ERCC2: variants seen among roughly 807,000 people sequenced by gnomAD.
The protein encoded by ERCC2 is ERCC excision repair 2, TFIIH core complex helicase subunit.
A neutral mutation model predicts 99.4 loss-of-function variants in ERCC2; 90 were observed. The observed-to-expected ratio is 0.91, with a 90% confidence interval of 0.76 to 1.08. The LOEUF (loss-of-function observed/expected upper bound fraction) is 1.08, where lower values mean the gene tolerates loss of function less well. Among genes scored for constraint, ERCC2 ranks in the 50% least tolerant of loss-of-function variants. The probability of loss-of-function intolerance (pLI) is 0.00; values close to 1 mark genes in which losing one functional copy is unlikely to be tolerated. For synonymous variants in ERCC2, 497 were observed against 432.4 expected (o/e 1.15, Z -1.85); for missense variants, 993 against 1,038.1 (o/e 0.96, Z 0.60).
chr19:45,352,490 A>C lies in ERCC2; in HGVS notation c.2046+16T>G, dbSNP rs1189266933. 3 of 1,614,024 alleles carry C rather than the reference A, an allele frequency of 1.9e-6. No homozygotes were observed. In the South Asian group the frequency reaches 3.3e-5, roughly 18 times the overall value. On this transcript the variant is annotated intron_variant, in intron 21 of 22. Coordinates refer to ENST00000391945, the MANE Select transcript of ERCC2 (RefSeq NM_000400.4). ...GAGCCTGGGATGGGAGCACAGGGGC[A>C]CCCCTGAAGCTGCACCTTGTCGGCA...
chr19:45,350,416 C>T lies in ERCC2; in HGVS notation c.*1213G>A, dbSNP rs751051691. 1.2e-5 allele frequency: 20 copies of T among 1,613,552 alleles called. No individual in the cohort carries two copies. The highest frequency in any genetic ancestry group is 2.7e-5 in the African/African-American group (2 of 74,844). Reference sequence around the variant, plus strand: ...CAAAGAAATCCTCCACAAGGAGGACCTACCCGCCCCTCTCGGTGAGCCCCT... The same window carrying T: ...CAAAGAAATCCTCCACAAGGAGGACTTACCCGCCCCTCTCGGTGAGCCCCT... On this transcript the variant is annotated 3_prime_UTR_variant, in exon 23 of 23. Transcript: ENST00000391945.
chr19:45,359,925 C>T (rs562021758), intron 12 of ERCC2, among the ~76,000 whole-genome samples: 1 of 152,084 alleles, frequency 6.6e-6, no homozygotes, highest in South Asian at 2.1e-4. Flanking sequence ...TAGGTGCGTG[C>T]CACCACGTCC....
At chr19:45,360,582 TG>T (rs1196691850) in intron 12 of ERCC2, among the ~76,000 whole-genome samples, 1 of 151,906 alleles carries the variant, frequency 6.6e-6, no homozygotes, top group Non-Finnish European at 1.5e-5. Flanking sequence ...TTCACCATGT[TG>T]GTCAGGCTGG....
intron 12 of ERCC2, chr19:45,358,532 A>G (rs936101856): frequency 2.3e-5 from 9 of 387,956 alleles, no homozygotes; most frequent in Middle Eastern, 7.7e-4. Flanking sequence ...CCCCGCCCCA[A>G]GAAGCCTCCC....
At chr19:45,353,466 G>A (rs1170968997) in intron 17 of ERCC2, 132 bp from the exon 18 acceptor site, 2 of 697,188 alleles carry the variant, frequency 2.9e-6, no homozygotes, top group African/African-American at 1.8e-5. Context: ...TGGTGAGGGA[G>A]GGTGGAATTG....
intron 15 of ERCC2, 72 bp from the exon 16 acceptor site, chr19:45,355,800 G>A (rs2123242620): frequency 2.6e-6 from 3 of 1,167,422 alleles, no homozygotes; most frequent in African/African-American, 1.6e-5. Context: ...ACCACCTGCT[G>A]GTGCTGTTCT....
rs1342838819 is a variant in ERCC2, at chr19:45,357,344, T to C, written c.1405A>G (p.Lys469Glu). The change falls in exon 15 of 23, where the codon AAG (lysine) becomes GAG (glutamate). Residue 469 changes from lysine to glutamate, a missense_variant. Transcript: ENST00000391945. The stretch of plus-strand genomic sequence containing the variant: ...GTGACGGGGTGGAAGTCCAGGATCT[T>C]GGGGTAGATGTCCAGCGGGGACAGT... ...GTLSPLDIYP[K>E]ILDFHPVTMA... 1.9e-6 allele frequency: 3 copies of C among 1,613,834 alleles called. No individual in the cohort carries two copies. The highest frequency in any genetic ancestry group is 1.7e-5 in the Admixed American group (1 of 59,976).
In ERCC2 at chr19:45,352,457, G is replaced by A. The variant is rs1415298975; in HGVS notation, c.2046+49C>T. The A allele has an allele frequency of 3.7e-6, 6 of 1,613,914 alleles. No homozygotes were observed. The African/African-American group carries it at 5.3e-5, about 14-fold the overall frequency. On this transcript the variant is annotated intron_variant, in intron 21 of 22. Coordinates refer to ENST00000391945, the MANE Select transcript of ERCC2 (RefSeq NM_000400.4). ...CTGGGAAATGAACGGGAAACAGCCT[G>A]GTTCTTGGAGCCTGGGATGGGAGCA...
chr19:45,358,004 C>T (rs1972073794), intron 12 of ERCC2: 1 of 502,212 alleles, frequency 2.0e-6, no homozygotes, highest in Non-Finnish European at 3.6e-6. Context: ...GCACCCACGC[C>T]AAAGCCAGGA....
At position 45,358,009 on chromosome 19, in the gene ERCC2, C is replaced by G. The variant is rs3916850; in HGVS notation, c.1238-310G>C. ...GGGCTGCCCAGCACCCACGCCAAAG[C>G]CAGGAGCCAGAGCCTCAAGCTTTCT... On this transcript the variant is annotated intron_variant, in intron 12 of 22. Transcript: ENST00000391945. The G allele has an allele frequency of 8.2e-4, 406 of 494,706 alleles. 1 individual carries two copies. Among genetic ancestry groups the G allele is most frequent in the Admixed American group, 5.0e-3 (151 of 30,396 alleles). The allele number at this position is 494,706 out of a possible 1,614,324, so 30.6% of individuals were successfully genotyped here. A position where few individuals can be genotyped will look rare whatever the true frequency, so the allele number is the denominator to read the frequency against.
At position 45,357,560 on chromosome 19, in the gene ERCC2, G is replaced by A. The variant is rs1365486964; in HGVS notation, c.1308-17C>T. On this transcript the variant is annotated splice_polypyrimidine_tract_variant and intron_variant, in intron 13 of 22. Transcript: ENST00000391945. The stretch of plus-strand genomic sequence containing the variant: ...TCCATGCAGCTGGAGAGAGATGAGG[G>A]CAGTGAGGGCCCGGGGGGCTGGGCC... 1.2e-6 allele frequency: 2 copies of A among 1,613,896 alleles called. No homozygotes were observed. The highest frequency in any genetic ancestry group is 1.3e-5 in the African/African-American group (1 of 74,926).
At chr19:45,363,626 C>G in intron 11 of ERCC2, 117 bp downstream of exon 11, 1 of 1,228,392 alleles carries the variant, frequency 8.1e-7, no homozygotes, top group South Asian at 1.5e-5. Context: ...CGTGCCTCGC[C>G]CAGCTCACTC....
At position 45,361,649 on chromosome 19, in the gene ERCC2, G is replaced by A; in HGVS notation, c.1119-7C>T. The A allele has an allele frequency of 6.2e-7, 1 of 1,605,944 alleles. No individual in the cohort carries two copies. The highest frequency in any genetic ancestry group is 2.2e-5 in the East Asian group (1 of 44,830). ...GAGGCGTTCAGCACAGAATCTGGCG[G>A]GGAGGAGAGACGGGGTCGGGGGGCA... On this transcript the variant is annotated splice_polypyrimidine_tract_variant and splice_region_variant and intron_variant, in intron 11 of 22. Coordinates refer to ENST00000391945, the MANE Select transcript of ERCC2 (RefSeq NM_000400.4).
chr19:45,360,680 A>C (rs1972189089), intron 12 of ERCC2, among the ~76,000 whole-genome samples: 1 of 140,332 alleles, frequency 7.1e-6, no homozygotes, highest in Admixed American at 6.9e-5. Flanking sequence ...GTCTGGCCCC[A>C]GCTAATTTTT....
chr19:45,357,782 C>T, intron 12 of ERCC2, 83 bp from the exon 13 acceptor site: 1 of 1,232,600 alleles, frequency 8.1e-7, no homozygotes, highest in Non-Finnish European at 1.2e-6. Flanking sequence ...CTCCTGCTCC[C>T]TCGCTTCACC....
At position 45,355,655 on chromosome 19, in the gene ERCC2, G is replaced by A. The variant is rs1214479678; in HGVS notation, c.1543+10C>T. 5.0e-6 allele frequency: 8 copies of A among 1,613,064 alleles called. No individual in the cohort carries two copies. The highest frequency in any genetic ancestry group is 4.0e-5 in the African/African-American group (3 of 74,908). The stretch of plus-strand genomic sequence containing the variant: ...GGAACCCACAGAAACCAGCCCCACT[G>A]GCAGCATACCAATATCCTCCCGGGT... On this transcript the variant is annotated intron_variant, in intron 16 of 22. Coordinates refer to ENST00000391945, the MANE Select transcript of ERCC2 (RefSeq NM_000400.4).
At chr19:45,360,401 G>A (rs1200989301) in intron 12 of ERCC2, among the ~76,000 whole-genome samples, 2 of 133,942 alleles carry the variant, frequency 1.5e-5, no homozygotes, top group African/African-American at 2.9e-5. Context: ...TTTTTGAGAC[G>A]AAGTCTTGCT....
chr19:45,352,664 G>T lies in ERCC2; in HGVS notation c.1903-15C>A. Reference sequence around the variant, plus strand: ...TCCAGCCGCGCCTGCAGATACGGAGGATGAGAAGCTGGGGAGGTGGGGGAG... The same window carrying T: ...TCCAGCCGCGCCTGCAGATACGGAGTATGAGAAGCTGGGGAGGTGGGGGAG... On this transcript the variant is annotated splice_polypyrimidine_tract_variant and intron_variant, in intron 20 of 22. Coordinates refer to ENST00000391945, the MANE Select transcript of ERCC2 (RefSeq NM_000400.4). 1 of 1,614,020 alleles carries T rather than the reference G, an allele frequency of 6.2e-7. No homozygotes were observed.
In ERCC2 at chr19:45,352,561, A is replaced by C. The variant is rs1435353438; in HGVS notation, c.1991T>G (p.Val664Gly). The C allele has an allele frequency of 1.2e-6, 2 of 1,613,988 alleles. No homozygotes were observed. Among genetic ancestry groups the C allele is most frequent in the Admixed American group, 3.3e-5 (2 of 60,006 alleles). Residue 664 changes from valine to glycine, a missense_variant, in exon 21 of 23, where the codon GTG becomes GGG. Physicochemically the swap from Val to Gly is moderately radical, Grantham distance 109. This residue lies in a region of ERCC2 where 909 missense variants were observed against 930.8 expected (regional missense o/e 0.98). Coordinates refer to ENST00000391945, the MANE Select transcript of ERCC2 (RefSeq NM_000400.4). ...FDAMRHAAQC[V>G]GRAIRGKTDY... ...CGTCTTGCCCCTGATGGCCCGACCCACACACTGGGCCGCGTGGCGCATGGC... is the reference window on the plus strand; with the variant it reads ...CGTCTTGCCCCTGATGGCCCGACCCCCACACTGGGCCGCGTGGCGCATGGC...
Sources: allele counts gnomAD v4.1 joint callset (sites outside exome capture counted in the v4.1 genomes callset), GRCh38; gene constraint gnomAD v4.1.1; regional missense constraint gnomAD v4.1.1; transcripts MANE v1.5; gene names NCBI Gene and HGNC (gene_info 2026-07-23, HGNC 2026-07-21).